Variants in FRMD4A observed in about 807,000 individuals in gnomAD.
The protein encoded by FRMD4A is FERM domain containing 4A, also known as FERM domain-containing protein 4A.
In FRMD4A, 29 loss-of-function variants were observed where a neutral mutation model predicts 129.1. The observed-to-expected ratio is 0.22, with a 90% CI of 0.17 to 0.31. FRMD4A has a LOEUF of 0.31. Ranked by LOEUF, FRMD4A falls within the 10% of genes least tolerant of loss-of-function variation. FRMD4A has a pLI of 1.00. For missense variants in FRMD4A, 1,272 were observed against 1,375.8 expected, an observed-to-expected ratio of 0.92 and a Z score of 1.19; for synonymous variants, 634 against 571.6, an observed-to-expected ratio of 1.11 and a Z score of -1.56.
chr10:14,114,205 C>T (rs2131800359), intron 2 of FRMD4A, among the ~76,000 whole-genome samples: 1 of 152,304 alleles, frequency 6.6e-6, no homozygotes, highest in East Asian at 1.9e-4. Flanking sequence ...GGATTCATTC[C>T]CAATTCCTTT....
chr10:14,060,209 A>G (rs1294277376), intron 2 of FRMD4A, among the ~76,000 whole-genome samples: 1 of 152,220 alleles, frequency 6.6e-6, no homozygotes, highest in Non-Finnish European at 1.5e-5. Flanking sequence ...AAAAATGACT[A>G]CATTTCATAA....
intron 2 of FRMD4A, among the ~76,000 whole-genome samples, chr10:13,901,444 T>C (rs11258715): frequency 0.26 from 39,731 of 151,664 alleles, 5,666 homozygotes; most frequent in African/African-American, 0.37. Flanking sequence ...AACCTGTCTC[T>C]ACAAAAAATA....
At chr10:13,770,732 C>T (rs1172839658) in intron 6 of FRMD4A, among the ~76,000 whole-genome samples, 3 of 152,216 alleles carry the variant, frequency 2.0e-5, no homozygotes, top group Non-Finnish European at 4.4e-5. Context: ...CTGTGAGCTA[C>T]TGATTCCTGG....
chr10:14,008,126 C>A (rs772800793), intron 2 of FRMD4A: 104 of 1,299,316 alleles, frequency 8.0e-5, no homozygotes, highest in Non-Finnish European at 6.9e-5. Flanking sequence ...GGGATCTATT[C>A]GGAGCCACTG....
rs1487205313 is a variant in FRMD4A, at chr10:14,191,801, T to C, written c.45+138257A>G. Among the ~76,000 whole-genome samples the C allele has an allele frequency of 1.7e-4, 19 of 113,400 alleles. No homozygotes were observed. In the East Asian group the frequency reaches 4.7e-3, roughly 28 times the overall value. 74.4% of individuals were successfully genotyped at this position (113,400 alleles called of 152,430 possible). A position where few individuals can be genotyped will look rare whatever the true frequency, so the allele number is the denominator to read the frequency against. ...TTTTCAGCTCAACTGGCTGTTTTTT[T>C]TTTTTCTCTCTCTCTCTCTCTCTCC... On this transcript the variant is annotated intron_variant, in intron 2 of 24. Transcript: ENST00000357447.
At chr10:14,019,738 C>A (rs189074026) in intron 2 of FRMD4A, among the ~76,000 whole-genome samples, 1 of 152,166 alleles carries the variant, frequency 6.6e-6, no homozygotes, top group Non-Finnish European at 1.5e-5. Flanking sequence ...GGGGCTGATG[C>A]CTTTGAGAAC....
chr10:14,187,239 T>C (rs1842177102), intron 2 of FRMD4A, among the ~76,000 whole-genome samples: 1 of 152,116 alleles, frequency 6.6e-6, no homozygotes, highest in Non-Finnish European at 1.5e-5. Context: ...TGATGTGATT[T>C]CTTAAAGGCA....
At chr10:14,060,233 A>G (rs1423766657) in intron 2 of FRMD4A, among the ~76,000 whole-genome samples, 1 of 152,252 alleles carries the variant, frequency 6.6e-6, no homozygotes, top group Admixed American at 6.5e-5. Flanking sequence ...GGATAAAGAT[A>G]GAAATTCACT....
intron 2 of FRMD4A, among the ~76,000 whole-genome samples, chr10:14,276,760 C>A (rs533102209): frequency 1.3e-5 from 2 of 152,240 alleles, no homozygotes; most frequent in Non-Finnish European, 2.9e-5. Context: ...TGAAGCCTGA[C>A]CTTCCCATCT....
intron 15 of FRMD4A, chr10:13,684,807 G>A: frequency 2.0e-5 from 20 of 982,152 alleles, no homozygotes; most frequent in Non-Finnish European, 2.3e-5. Flanking sequence ...CTCCAAAGAA[G>A]AAAGGAATCG....
At chr10:13,694,823 C>T (rs1057135207) in intron 14 of FRMD4A, among the ~76,000 whole-genome samples, 1 of 139,844 alleles carries the variant, frequency 7.2e-6, no homozygotes, top group African/African-American at 2.6e-5. Context: ...GCCTGGGCAA[C>T]AAAGTGAGAC....
intron 3 of FRMD4A, among the ~76,000 whole-genome samples, chr10:13,842,338 A>G (rs2130979792): frequency 6.6e-6 from 1 of 152,308 alleles, no homozygotes; most frequent in African/African-American, 2.4e-5. Flanking sequence ...ACAGATCATG[A>G]ACTTTTGTCT....
At chr10:13,695,794 G>C (rs1001022831) in intron 14 of FRMD4A, among the ~76,000 whole-genome samples, 3 of 152,212 alleles carry the variant, frequency 2.0e-5, no homozygotes, top group Non-Finnish European at 4.4e-5. Flanking sequence ...GGAGGGGTGT[G>C]GACCCACCAC....
chr10:13,915,669 C>CAA (rs68011803), intron 2 of FRMD4A, among the ~76,000 whole-genome samples: 148 of 122,022 alleles, frequency 1.2e-3, no homozygotes, highest in Middle Eastern at 4.5e-3. Context: ...GACTCTATCT[C>CAA]AAAAAAAAAA....
chr10:13,923,223 A>C (rs1179480395), intron 2 of FRMD4A, among the ~76,000 whole-genome samples: 2 of 152,224 alleles, frequency 1.3e-5, no homozygotes, highest in Admixed American at 6.5e-5. Context: ...GTTTCCTTGA[A>C]GATGATGTTT....
At chr10:14,091,089 G>A (rs1056668351) in intron 2 of FRMD4A, among the ~76,000 whole-genome samples, 1 of 152,184 alleles carries the variant, frequency 6.6e-6, no homozygotes, top group Non-Finnish European at 1.5e-5. Context: ...TGCAAGCCAT[G>A]AACAGGATTT....
At position 13,870,164 on chromosome 10, in the gene FRMD4A, C is replaced by A. The variant is rs141929319; in HGVS notation, c.46-11252G>T. ...AACAGAGATGGGTGGCAGAGAGCAG[C>A]CCTTGGGCAGATCTGGACAGAGGCC... On this transcript the variant is annotated intron_variant, in intron 2 of 24. Transcript: ENST00000357447. Among the ~76,000 whole-genome samples, 6 of 152,318 alleles carry A rather than the reference C, an allele frequency of 3.9e-5. No individual in the cohort carries two copies. In the East Asian group the frequency reaches 1.2e-3, roughly 29 times the overall value.
chr10:14,116,422 C>T (rs867158556), intron 2 of FRMD4A, among the ~76,000 whole-genome samples: 1 of 152,114 alleles, frequency 6.6e-6, no homozygotes, highest in South Asian at 2.1e-4. Flanking sequence ...AGAAATAATG[C>T]AGTGTTTTAT....
intron 2 of FRMD4A, among the ~76,000 whole-genome samples, chr10:14,179,190 G>C (rs1589133268): frequency 6.6e-6 from 1 of 152,050 alleles, no homozygotes; most frequent in Non-Finnish European, 1.5e-5. Flanking sequence ...AGGCCCCTTA[G>C]AGTCTCTGGG....
Sources: gnomAD v4.1 joint callset for allele counts (sites outside exome capture counted in the v4.1 genomes callset) on GRCh38, gnomAD v4.1.1 for gene constraint, MANE v1.5 for transcripts, NCBI Gene and HGNC (gene_info 2026-07-23, HGNC 2026-07-21) for gene names.